Variants in CD109 observed in about 807,000 individuals in gnomAD.
The protein encoded by CD109 is CD109 molecule.
CD109 carries 149 observed loss-of-function variants against 165.8 expected under a neutral mutation model. That is an observed-to-expected ratio of 0.90 (90% confidence interval 0.79 to 1.03). The LOEUF (loss-of-function observed/expected upper bound fraction) is 1.03. Ranked by LOEUF, CD109 falls within the 50% of genes least tolerant of loss-of-function variation. The probability of loss-of-function intolerance (pLI) is 0.00; values close to 1 mark genes in which losing one functional copy is unlikely to be tolerated. For missense variants in CD109, 1,712 were observed against 1,677.8 expected, an observed-to-expected ratio of 1.02 and a Z score of -0.36; for synonymous variants, 585 against 592.1, an observed-to-expected ratio of 0.99 and a Z score of 0.18.
At chr6:73,792,553 G>T (rs1775007588) in intron 22 of CD109, 73 bp from the exon 23 acceptor site, 3 of 1,303,972 alleles carry the variant, frequency 2.3e-6, no homozygotes, top group Non-Finnish European at 3.3e-6. Context: ...GTACTCAGTG[G>T]AAGTCTCTTT....
chr6:73,745,565 A>G (rs1342214667), intron 5 of CD109, among the ~76,000 whole-genome samples: 2 of 152,200 alleles, frequency 1.3e-5, no homozygotes, highest in Admixed American at 1.3e-4. Context: ...AACGTGTCCC[A>G]GATTCTGACC....
At chr6:73,775,382 A>G (rs1039959381) in intron 15 of CD109, among the ~76,000 whole-genome samples, 6 of 152,088 alleles carry the variant, frequency 3.9e-5, no homozygotes, top group Middle Eastern at 3.2e-3. Flanking sequence ...TCTATTAACT[A>G]TATCTCTCAT....
chr6:73,762,545 A>G (rs1773676157), intron 8 of CD109, 65 bp downstream of exon 8: 6 of 1,161,726 alleles, frequency 5.2e-6, no homozygotes, highest in Non-Finnish European at 7.5e-6. Context: ...TAGAAATAAG[A>G]TTTAGTACTG....
intron 5 of CD109, among the ~76,000 whole-genome samples, chr6:73,745,793 A>G (rs950594304): frequency 3.3e-5 from 5 of 152,140 alleles, no homozygotes; most frequent in Non-Finnish European, 7.4e-5. Flanking sequence ...CAGTGGCACA[A>G]TCTTGGCTTA....
intron 3 of CD109, among the ~76,000 whole-genome samples, chr6:73,725,818 T>C (rs1299772735): frequency 6.6e-6 from 1 of 152,236 alleles, no homozygotes; most frequent in Non-Finnish European, 1.5e-5. Context: ...CAGCCTACTA[T>C]ACTTCTTTTA....
rs61063525 is a variant in CD109, at chr6:73,812,225, G to T, written c.3723G>T (p.Thr1241=). Residue 1241 remains threonine (T), a synonymous_variant, in exon 29 of 33, where the codon ACG becomes ACT. Transcript: ENST00000287097. ...QTAELAVVQP[T]AVNISANGFG... ...TTCAGCTTGCTGTGGTACAGCCAAC[G>T]GCAGTTAATATTTCCGCAAATGGTT... 4.4e-3 allele frequency: 7,045 copies of T among 1,609,406 alleles called. 286 individuals carry two copies. In the African/African-American group the frequency reaches 0.082, roughly 19 times the overall value.
intron 4 of CD109, among the ~76,000 whole-genome samples, chr6:73,734,099 A>G (rs1034003015): frequency 6.6e-6 from 1 of 152,242 alleles, no homozygotes; most frequent in Non-Finnish European, 1.5e-5. Flanking sequence ...TGACATCACC[A>G]TGCTTGGCTG....
chr6:73,770,482 C>T (rs757969358), intron 14 of CD109, among the ~76,000 whole-genome samples: 3 of 152,174 alleles, frequency 2.0e-5, no homozygotes, highest in African/African-American at 4.8e-5. Context: ...CTGTGGCTCA[C>T]GCCTGTAATC....
intron 4 of CD109, among the ~76,000 whole-genome samples, chr6:73,731,346 C>T (rs533547298): frequency 2.1e-4 from 32 of 152,194 alleles, no homozygotes; most frequent in Non-Finnish European, 4.4e-4. Flanking sequence ...GTTGCTTTCT[C>T]TAGGGTTGTC....
At chr6:73,782,062 G>T (rs1774528817) in intron 17 of CD109, among the ~76,000 whole-genome samples, 1 of 152,058 alleles carries the variant, frequency 6.6e-6, no homozygotes, top group African/African-American at 2.4e-5. Flanking sequence ...ATCTTGAAAG[G>T]CTTCTAGAAC....
Position 73,823,534 on chromosome 6 carries a change from C to A in CD109, c.4239C>A (p.Cys1413Ter), listed in dbSNP as rs747296617. 6.8e-6 allele frequency: 11 copies of A among 1,613,958 alleles called. No homozygotes were observed. The highest frequency in any genetic ancestry group is 8.5e-6 in the Non-Finnish European group (10 of 1,179,944). Residue 1413 changes from cysteine to a stop codon, truncating the protein, a stop_gained, in exon 33 of 33, where the codon TGC becomes TGA. Coordinates refer to ENST00000287097, the MANE Select transcript of CD109 (RefSeq NM_133493.5). LOFTEE classifies it low-confidence loss of function (END_TRUNC). ...ACCTTTGCAGTGATGTCCAGGGCTG[C>A]CGTCCTTGTGAGGATGGAGCTTCAG... is the stretch of plus-strand genomic sequence containing the variant. ...SCDLCSDVQG[C>*]RPCEDGASGS...
chr6:73,720,562 C>CCATTCCATAAGTTATACCT, intron 2 of CD109, among the ~76,000 whole-genome samples: 1 of 152,144 alleles, frequency 6.6e-6, no homozygotes, highest in Middle Eastern at 3.4e-3. Flanking sequence ...TGTGGTTTAG[C>CCATTCCATAAGTTATACCT]CATTCCATAA....
chr6:73,716,223 A>G (rs959077132), intron 2 of CD109, among the ~76,000 whole-genome samples: 3 of 152,262 alleles, frequency 2.0e-5, no homozygotes, highest in African/African-American at 7.2e-5. Context: ...TATTATGAAC[A>G]GTGGTGTAAC....
At chr6:73,757,915 A>G (rs935553425) in intron 6 of CD109, among the ~76,000 whole-genome samples, 9 of 152,170 alleles carry the variant, frequency 5.9e-5, no homozygotes, top group Non-Finnish European at 1.2e-4. Flanking sequence ...ACATTTTTAT[A>G]GGCTATCTTT....
chr6:73,769,134 C>T (rs567596976), intron 14 of CD109, among the ~76,000 whole-genome samples: 1 of 152,286 alleles, frequency 6.6e-6, no homozygotes, highest in East Asian at 1.9e-4. Context: ...AGGAGATCCA[C>T]CTGCCTCAGC....
intron 15 of CD109, among the ~76,000 whole-genome samples, chr6:73,779,983 CTT>C (rs1774416428): frequency 6.7e-6 from 1 of 149,682 alleles, no homozygotes; most frequent in East Asian, 1.9e-4. Context: ...TTATTAATAA[CTT>C]ATATTTCTAC....
intron 2 of CD109, among the ~76,000 whole-genome samples, chr6:73,713,095 G>A (rs1218630366): frequency 6.6e-6 from 1 of 151,324 alleles, no homozygotes; most frequent in African/African-American, 2.4e-5. Context: ...TCTCCTCCCC[G>A]CTGCCCCCGA....
Position 73,788,535 on chromosome 6 carries a change from G to A in CD109, c.2624G>A (p.Ser875Asn), listed in dbSNP as rs1482098915. ...GACTTGACTGACAATAGGCTACAGA[G>A]TACCCTGAAAACTTTGAGTTTCTCA... ...LLDLTDNRLQ[S>N]TLKTLSFSFP... The change falls in exon 22 of 33, where the codon AGT (serine) becomes AAT (asparagine). Residue 875 changes from serine to asparagine, a missense_variant. Coordinates refer to ENST00000287097, the MANE Select transcript of CD109 (RefSeq NM_133493.5). The A allele has an allele frequency of 5.6e-6, 9 of 1,613,104 alleles. No individual in the cohort carries two copies. The highest frequency in any genetic ancestry group is 2.2e-5 in the East Asian group (1 of 44,818).
At chr6:73,782,842 A>G (rs1774557908) in intron 18 of CD109, 87 bp downstream of exon 18, 1 of 1,307,252 alleles carries the variant, frequency 7.6e-7, no homozygotes. Flanking sequence ...ATGTTTAAGT[A>G]CAAACATAGT....
Sources: allele counts gnomAD v4.1 joint callset (sites outside exome capture counted in the v4.1 genomes callset), GRCh38; gene constraint gnomAD v4.1.1; transcripts MANE v1.5; gene names NCBI Gene and HGNC (gene_info 2026-07-23, HGNC 2026-07-21).